The following STPG2 variants were observed in gnomAD, a reference collection of about 807,000 sequenced individuals.
The protein encoded by STPG2 is sperm tail PG-rich repeat containing 2, also known as sperm-tail PG-rich repeat-containing protein 2.
A neutral mutation model predicts 54.2 loss-of-function variants in STPG2; 56 were observed. That is an observed-to-expected ratio of 1.03 (90% CI 0.83 to 1.29). The LOEUF is 1.29. Ranked by LOEUF, STPG2 falls within the 50% of genes most tolerant of loss-of-function variation. The probability of loss-of-function intolerance (pLI) is 0.00; values close to 1 mark genes in which losing one functional copy is unlikely to be tolerated. For synonymous variants in STPG2, 200 were observed against 181.8 expected (o/e 1.10, Z -0.81); for missense variants, 596 against 544.9 (o/e 1.09, Z -0.93).
At chr4:97,701,228 T>A (rs1357560929) in intron 10 of STPG2, among the ~76,000 whole-genome samples, 1 of 152,108 alleles carries the variant, frequency 6.6e-6, no homozygotes, top group African/African-American at 2.4e-5. Context: ...CTGCTAAGTA[T>A]GTCTATGCCA....
chr4:98,020,502 G>A (rs1084775), intron 5 of STPG2, among the ~76,000 whole-genome samples: 60,908 of 151,490 alleles, frequency 0.4, 13,700 homozygotes, highest in Admixed American at 0.54. Context: ...ATCTCTGCCC[G>A]GCTTTGGTAT....
intron 8 of STPG2, among the ~76,000 whole-genome samples, chr4:97,849,999 T>C (rs1729099061): frequency 6.6e-6 from 1 of 151,730 alleles, no homozygotes; most frequent in African/African-American, 2.4e-5. Context: ...TTATTCACGA[T>C]AGCAAAGACT....
At chr4:98,064,896 GTTTA>G (rs1213981633) in intron 5 of STPG2, among the ~76,000 whole-genome samples, 1 of 151,920 alleles carries the variant, frequency 6.6e-6, no homozygotes, top group Non-Finnish European at 1.5e-5. Context: ...AGTACTAAAA[GTTTA>G]TTTATTTATT....
At chr4:97,542,061 G>A (rs1433733224) in intron 4 of STPG2, among the ~76,000 whole-genome samples, 3 of 152,138 alleles carry the variant, frequency 2.0e-5, no homozygotes, top group Non-Finnish European at 4.4e-5. Context: ...ATAGGCATAG[G>A]CAAGGACTTC....
chr4:97,798,959 A>T (rs1727290366), intron 9 of STPG2, among the ~76,000 whole-genome samples: 1 of 58,708 alleles, frequency 1.7e-5, no homozygotes, highest in African/African-American at 6.9e-5. Flanking sequence ...GTGTCTTTTG[A>T]TCTTTGTTGT....
At chr4:97,574,412 A>G (rs1732670800) in intron 10 of STPG2, among the ~76,000 whole-genome samples, 1 of 151,078 alleles carries the variant, frequency 6.6e-6, no homozygotes, top group South Asian at 2.1e-4. Flanking sequence ...AAAGACCCAG[A>G]GAAAACAATT....
At chr4:97,660,037 C>G (rs1722329899) in intron 10 of STPG2, among the ~76,000 whole-genome samples, 1 of 149,398 alleles carries the variant, frequency 6.7e-6, no homozygotes, top group Non-Finnish European at 1.5e-5. Flanking sequence ...GAGTCTCGCT[C>G]TGTCGCCCAG....
At chr4:97,763,918 A>G (rs1249692923) in intron 9 of STPG2, among the ~76,000 whole-genome samples, 1 of 152,090 alleles carries the variant, frequency 6.6e-6, no homozygotes, top group Non-Finnish European at 1.5e-5. Context: ...AACATCCTTA[A>G]TATGGTCTTC....
intron 5 of STPG2, among the ~76,000 whole-genome samples, chr4:98,022,417 G>T (rs1736245871): frequency 6.6e-6 from 1 of 152,152 alleles, no homozygotes; most frequent in Admixed American, 6.5e-5. Flanking sequence ...CCCTTTGTGG[G>T]TAACGTGACC....
At chr4:97,442,685 G>A (rs1422143941) in intron 4 of STPG2, among the ~76,000 whole-genome samples, 1 of 152,012 alleles carries the variant, frequency 6.6e-6, no homozygotes, top group East Asian at 1.9e-4. Context: ...GAGCATGCCT[G>A]GAATACTAAA....
At chr4:97,642,467 T>C (rs555114739) in intron 10 of STPG2, among the ~76,000 whole-genome samples, 2 of 151,548 alleles carry the variant, frequency 1.3e-5, no homozygotes, top group East Asian at 3.9e-4. Context: ...TGAATTTTGA[T>C]CTATAAATAT....
intron 10 of STPG2, among the ~76,000 whole-genome samples, chr4:97,581,533 G>T (rs1165400859): frequency 2.0e-5 from 3 of 151,954 alleles, no homozygotes; most frequent in Non-Finnish European, 4.4e-5. Flanking sequence ...ATGTAAGTCT[G>T]GACTCAGCCT....
At chr4:97,943,748 C>T (rs1578716520) in intron 8 of STPG2, 149 bp downstream of exon 8, 1 of 533,808 alleles carries the variant, frequency 1.9e-6, no homozygotes, top group East Asian at 3.4e-5. Flanking sequence ...TTTTGTTGAA[C>T]TTTAAAAATA....
chr4:97,863,273 C>T (rs1036250590), intron 8 of STPG2, among the ~76,000 whole-genome samples: 10 of 151,994 alleles, frequency 6.6e-5, no homozygotes, highest in African/African-American at 1.2e-4. Context: ...ATATCACCAC[C>T]GATCCCACAG....
At chr4:97,856,729 T>C (rs184311521) in intron 8 of STPG2, among the ~76,000 whole-genome samples, 315 of 152,330 alleles carry the variant, frequency 2.1e-3, no homozygotes, top group Non-Finnish European at 3.7e-3. Flanking sequence ...GGCATCCTTG[T>C]CTTGATTGGT....
chr4:97,894,922 G>C (rs777664365), intron 8 of STPG2, among the ~76,000 whole-genome samples: 3 of 151,864 alleles, frequency 2.0e-5, no homozygotes, highest in Non-Finnish European at 2.9e-5. Context: ...TTAAAAATTA[G>C]CAAGAATATT....
intron 10 of STPG2, among the ~76,000 whole-genome samples, chr4:97,696,051 T>G (rs1477913992): frequency 6.6e-6 from 1 of 151,908 alleles, no homozygotes; most frequent in Admixed American, 6.6e-5. Context: ...AGAGCCCACA[T>G]AGCCAAAGCA....
intron 10 of STPG2, among the ~76,000 whole-genome samples, chr4:97,603,238 A>C (rs1048749189): frequency 4.6e-5 from 7 of 151,754 alleles, no homozygotes; most frequent in Non-Finnish European, 1.0e-4. Flanking sequence ...ATATCAGGGA[A>C]ATACACATCA....
At chr4:97,940,754 C>T (rs1732944847) in intron 8 of STPG2, among the ~76,000 whole-genome samples, 1 of 152,070 alleles carries the variant, frequency 6.6e-6, no homozygotes, top group Non-Finnish European at 1.5e-5. Context: ...TTTATATTAT[C>T]ATTATTATTC....
Sources: gnomAD v4.1 joint callset for allele counts (sites outside exome capture counted in the v4.1 genomes callset) on GRCh38, gnomAD v4.1.1 for gene constraint, MANE v1.5 for transcripts, NCBI Gene and HGNC (gene_info 2026-07-23, HGNC 2026-07-21) for gene names.